Variants in DTNBP1 observed in about 807,000 individuals in gnomAD.
DTNBP1 encodes dystrobrevin binding protein 1.
In DTNBP1, 35 loss-of-function variants were observed where a neutral mutation model predicts 42.8. The ratio of observed to expected loss-of-function variants is 0.82; its 90% CI spans 0.63 to 1.09. The LOEUF (loss-of-function observed/expected upper bound fraction) is 1.09, where lower values mean the gene tolerates loss of function less well. DTNBP1 is among the 50% of genes least tolerant of loss of function. DTNBP1 has a pLI of 0.00. For synonymous variants in DTNBP1, 171 were observed against 162.2 expected (o/e 1.05, Z -0.41); for missense variants, 457 against 424.2 (o/e 1.08, Z -0.68).
At position 15,601,607 on chromosome 6, in the gene DTNBP1, G is replaced by A. The variant is rs540923494; in HGVS notation, c.489-8526C>T. Among the ~76,000 whole-genome samples the A allele has an allele frequency of 2.0e-5, 3 of 151,992 alleles. No homozygotes were observed. In the South Asian group the frequency reaches 6.2e-4, roughly 32 times the overall value. ...CAGTTATAATAAGAATTGGTCCTAGGCCGAGGCAGATGGATCACCTGAGGT... is the reference window on the plus strand; with the variant it reads ...CAGTTATAATAAGAATTGGTCCTAGACCGAGGCAGATGGATCACCTGAGGT... On this transcript the variant is annotated intron_variant, in intron 6 of 9. Transcript: ENST00000344537.
intron 5 of DTNBP1, among the ~76,000 whole-genome samples, chr6:15,618,922 G>A (rs1387768223): frequency 6.6e-6 from 1 of 152,164 alleles, no homozygotes; most frequent in Admixed American, 6.5e-5. Flanking sequence ...ACTATCATTC[G>A]CAGCAACATG....
At chr6:15,581,442 C>A (rs552609932) in intron 7 of DTNBP1, among the ~76,000 whole-genome samples, 20 of 148,794 alleles carry the variant, frequency 1.3e-4, no homozygotes, top group Non-Finnish European at 8.9e-5. Flanking sequence ...CCTCTCAAAG[C>A]GCTGGGATTA....
At chr6:15,661,432 G>A (rs1243752536) in intron 1 of DTNBP1, among the ~76,000 whole-genome samples, 1 of 152,156 alleles carries the variant, frequency 6.6e-6, no homozygotes, top group African/African-American at 2.4e-5. Flanking sequence ...GGCCAAGGCG[G>A]GAGGATCACA....
At chr6:15,546,080 T>TTTTG in intron 7 of DTNBP1, 1 of 440,888 alleles carries the variant, frequency 2.3e-6, no homozygotes, top group Non-Finnish European at 4.5e-6. Context: ...TTTTTTTTTT[T>TTTTG]TTTGAGACAG....
rs544719434 is a variant in DTNBP1 at position 15,544,717 on chromosome 6, G to A, written c.512-11322C>T. Among the ~76,000 whole-genome samples the A allele has an allele frequency of 7.2e-5, 11 of 152,336 alleles. No homozygotes were observed. The South Asian group carries it at 1.2e-3, about 17-fold the overall frequency. On this transcript the variant is annotated intron_variant, in intron 7 of 9. Transcript: ENST00000344537. Reference sequence around the variant, plus strand: ...TGTTTTAGCCATGCTCAACCAGTAAGTGCATACTGCAAATATTCCAAAATC... The same window carrying A: ...TGTTTTAGCCATGCTCAACCAGTAAATGCATACTGCAAATATTCCAAAATC...
At chr6:15,638,673 A>C (rs1760164436) in intron 3 of DTNBP1, among the ~76,000 whole-genome samples, 1 of 152,212 alleles carries the variant, frequency 6.6e-6, no homozygotes, top group South Asian at 2.1e-4. Context: ...TAATGTCAAC[A>C]GTAATGAGAC....
intron 6 of DTNBP1, among the ~76,000 whole-genome samples, chr6:15,612,280 C>T (rs9296988): frequency 0.15 from 23,493 of 151,994 alleles, 2,701 homozygotes; most frequent in African/African-American, 0.32. Flanking sequence ...GTACATTGTG[C>T]TTTAAGACAT....
intron 7 of DTNBP1, among the ~76,000 whole-genome samples, chr6:15,558,865 G>A (rs1480371189): frequency 1.3e-5 from 2 of 152,196 alleles, no homozygotes; most frequent in Non-Finnish European, 2.9e-5. Context: ...GGAATTTGCT[G>A]TTTGATATTG....
At chr6:15,592,851 T>A (rs1776353931) in intron 7 of DTNBP1, among the ~76,000 whole-genome samples, 1 of 152,174 alleles carries the variant, frequency 6.6e-6, no homozygotes, top group Non-Finnish European at 1.5e-5. Flanking sequence ...CTTATAAAGG[T>A]CATTAGCAGG....
intron 1 of DTNBP1, among the ~76,000 whole-genome samples, chr6:15,658,271 C>G (rs1484545103): frequency 1.3e-5 from 2 of 152,214 alleles, no homozygotes; most frequent in African/African-American, 4.8e-5. Flanking sequence ...TTTATGAAAT[C>G]AAGTTGAATA....
chr6:15,523,856 T>C (rs1232323672), intron 9 of DTNBP1: 3 of 1,287,162 alleles, frequency 2.3e-6, no homozygotes, highest in Non-Finnish European at 3.0e-6. Flanking sequence ...GTGAGAAGTT[T>C]AGAGGAAGCT....
chr6:15,526,499 G>A (rs1310586457), intron 8 of DTNBP1, among the ~76,000 whole-genome samples: 1 of 152,202 alleles, frequency 6.6e-6, no homozygotes, highest in East Asian at 1.9e-4. Context: ...CCTATTTTTA[G>A]TTGGGGAAAA....
chr6:15,634,557 A>T (rs1759894749), intron 4 of DTNBP1, among the ~76,000 whole-genome samples: 2 of 152,160 alleles, frequency 1.3e-5, no homozygotes, highest in Non-Finnish European at 2.9e-5. Flanking sequence ...ACTTCAAGTG[A>T]TCTGCCTGCC....
intron 6 of DTNBP1, among the ~76,000 whole-genome samples, chr6:15,611,466 T>C (rs559006612): frequency 6.6e-6 from 1 of 152,328 alleles, no homozygotes; most frequent in African/African-American, 2.4e-5. Context: ...CTGCAGCCTA[T>C]GGAATAAGGA....
chr6:15,523,117 G>T lies in DTNBP1; in HGVS notation c.914C>A (p.Ser305Ter). The stretch of plus-strand genomic sequence containing the variant: ...ACCCTCACTGATGTCCCGGGTGGCC[G>T]AGTCGGTGCAGGTGGAGGAAGAAGA... ...PPSSSSTCTD[S>*]ATRDISEGGE... The change falls in exon 10 of 10, where the codon TCG becomes TAG. Residue 305 changes from serine to a stop codon, truncating the protein, a stop_gained. Coordinates refer to ENST00000344537, the MANE Select transcript of DTNBP1 (RefSeq NM_032122.5). LOFTEE classifies it low-confidence loss of function (END_TRUNC). 6.2e-7 allele frequency: 1 copy of T among 1,614,246 alleles called. No individual in the cohort carries two copies. Among genetic ancestry groups the T allele is most frequent in the Non-Finnish European group, 8.5e-7 (1 of 1,180,044 alleles).
At chr6:15,651,549 A>G in intron 2 of DTNBP1, 186 bp from the exon 3 acceptor site, 1 of 742,282 alleles carries the variant, frequency 1.3e-6, no homozygotes, top group Non-Finnish European at 2.2e-6. Context: ...ACACACTATC[A>G]ACCATCATTT....
chr6:15,581,478 G>GTTGT (rs1775831623), intron 7 of DTNBP1, among the ~76,000 whole-genome samples: 1 of 90,386 alleles, frequency 1.1e-5, no homozygotes, highest in East Asian at 3.1e-4. Context: ...GCGCCCGACT[G>GTTGT]TTTTTTTTTT....
intron 8 of DTNBP1, among the ~76,000 whole-genome samples, chr6:15,526,980 T>C (rs1581695366): frequency 6.6e-6 from 1 of 152,224 alleles, no homozygotes; most frequent in East Asian, 1.9e-4. Flanking sequence ...AAAATCTAGC[T>C]ACCTTCTGTT....
intron 5 of DTNBP1, 63 bp downstream of exon 5, chr6:15,627,280 C>A (rs1227249253): frequency 1.1e-5 from 17 of 1,599,418 alleles, no homozygotes; most frequent in Non-Finnish European, 1.4e-5. Context: ...TGAAATTACA[C>A]CAAACCCTGC....
Sources: allele counts gnomAD v4.1 joint callset (sites outside exome capture counted in the v4.1 genomes callset), GRCh38; gene constraint gnomAD v4.1.1; transcripts MANE v1.5; gene names NCBI Gene and HGNC (gene_info 2026-07-23, HGNC 2026-07-21).